Variants in CFAP20DC observed in about 807,000 individuals in gnomAD.
The protein encoded by CFAP20DC is CFAP20 domain containing.
CFAP20DC carries 84 observed loss-of-function variants against 101.7 expected under a neutral mutation model. The ratio of observed to expected loss-of-function variants is 0.83; its 90% CI spans 0.69 to 0.99. The LOEUF (loss-of-function observed/expected upper bound fraction) is 0.99, where lower values mean the gene tolerates loss of function less well. Among genes scored for constraint, CFAP20DC ranks in the 50% least tolerant of loss-of-function variants. The probability of loss-of-function intolerance (pLI) is 0.00; values close to 1 mark genes in which losing one functional copy is unlikely to be tolerated. For missense variants in CFAP20DC, 1,007 were observed against 970.3 expected (o/e 1.04, Z -0.50); for synonymous variants, 359 against 351.2 (o/e 1.02, Z -0.25).
rs1027825695 is a variant in CFAP20DC at position 58,869,067 on chromosome 3, T to C, written c.1015+261A>G. Among the ~76,000 whole-genome samples the C allele has an allele frequency of 6.6e-6, 1 of 152,226 alleles. No individual in the cohort carries two copies. Among genetic ancestry groups the C allele is most frequent in the Admixed American group, 6.5e-5 (1 of 15,288 alleles). ...AAAATACAGTGATAATGGAATGCTA[T>C]TTTATTTCTACATCAGTTGCCATAA... On this transcript the variant is annotated intron_variant, in intron 9 of 16. Coordinates refer to ENST00000482387, the MANE Select transcript of CFAP20DC (RefSeq NM_001394063.1). The surrounding 1 kb of genome is among the most constrained non-coding windows in gnomAD (Gnocchi z 4.3).
chr3:59,028,938 C>T (rs2093939927), intron 4 of CFAP20DC, among the ~76,000 whole-genome samples: 1 of 152,170 alleles, frequency 6.6e-6, no homozygotes, highest in Non-Finnish European at 1.5e-5. Flanking sequence ...TGACCAAAGT[C>T]CCACAGAGGT....
At chr3:58,811,110 G>A (rs571327797) in intron 14 of CFAP20DC, among the ~76,000 whole-genome samples, 21 of 152,136 alleles carry the variant, frequency 1.4e-4, no homozygotes, top group South Asian at 1.2e-3. Context: ...AATCAATATC[G>A]TGAAAATGGC....
chr3:58,891,652 T>A (rs1437569498), intron 6 of CFAP20DC, among the ~76,000 whole-genome samples: 1 of 151,784 alleles, frequency 6.6e-6, no homozygotes, highest in East Asian at 1.9e-4. Flanking sequence ...TTTAATGGGG[T>A]TATTTGTTTT....
At position 58,781,654 on chromosome 3, in the gene CFAP20DC, C is replaced by A. The variant is rs377080334; in HGVS notation, c.2237+24741G>T. 9.2e-5 allele frequency among the ~76,000 whole-genome samples: 14 copies of A among 152,034 alleles called. No individual in the cohort carries two copies. In the East Asian group the frequency reaches 1.4e-3, roughly 15 times the overall value. On this transcript the variant is annotated intron_variant, in intron 15 of 16. Coordinates refer to ENST00000482387, the MANE Select transcript of CFAP20DC (RefSeq NM_001394063.1). ...AAAGATCATTAGAGACTATTATGAACAACTATACAATAACAAACTAGAAAA... is the reference window on the plus strand; with the variant it reads ...AAAGATCATTAGAGACTATTATGAAAAACTATACAATAACAAACTAGAAAA...
At chr3:58,865,898 T>G (rs1028192819) in intron 11 of CFAP20DC, among the ~76,000 whole-genome samples, 1 of 152,308 alleles carries the variant, frequency 6.6e-6, no homozygotes, top group Non-Finnish European at 1.5e-5. Flanking sequence ...AATTTGCAGT[T>G]TTACCTCAAG....
At chr3:58,877,800 A>C (rs1456553538) in intron 7 of CFAP20DC, among the ~76,000 whole-genome samples, 1 of 152,196 alleles carries the variant, frequency 6.6e-6, no homozygotes, top group Non-Finnish European at 1.5e-5. Context: ...GGGTTTATTA[A>C]TGATTGTATA....
chr3:58,989,674 A>G (rs2092871954), intron 4 of CFAP20DC, among the ~76,000 whole-genome samples: 1 of 152,208 alleles, frequency 6.6e-6, no homozygotes, highest in Non-Finnish European at 1.5e-5. Flanking sequence ...GGCTCAGTTT[A>G]TACTTCACAA....
At chr3:58,745,374 A>C (rs377178854) in intron 16 of CFAP20DC, among the ~76,000 whole-genome samples, 166 of 152,280 alleles carry the variant, frequency 1.1e-3, no homozygotes, top group African/African-American at 3.8e-3. Context: ...CATGAAGCAA[A>C]AGCAGCTACT....
Position 58,995,457 on chromosome 3 carries a change from A to G in CFAP20DC, c.278+44100T>C, listed in dbSNP as rs534247278. 7.2e-5 allele frequency among the ~76,000 whole-genome samples: 11 copies of G among 152,234 alleles called. 1 individual carries two copies. The South Asian group carries it at 2.3e-3, about 32-fold the overall frequency. On this transcript the variant is annotated intron_variant, in intron 4 of 16. Coordinates refer to ENST00000482387, the MANE Select transcript of CFAP20DC (RefSeq NM_001394063.1). ...ATTAAAATGTTTCCAAAAGTAGTCT[A>G]AGTAATTAATTTTGAGTAGAAAAAA...
chr3:58,811,429 A>C (rs1274437504), intron 14 of CFAP20DC, among the ~76,000 whole-genome samples: 1 of 152,110 alleles, frequency 6.6e-6, no homozygotes, highest in Non-Finnish European at 1.5e-5. Flanking sequence ...ATCTTTGACA[A>C]ACCTGAGAAA....
In CFAP20DC at chr3:58,724,454, A is replaced by C. The variant is rs1357265325; in HGVS notation, c.198-6826T>G. ...TCTGTAAACACTGTGTTCAAGGAGA[A>C]AGGCACTCCTTTGAAGCACTGGAAT... On this transcript the variant is annotated intron_variant, in intron 3 of 3. Coordinates refer to the CFAP20DC transcript ENST00000486145. This position sits in a 1 kb window ranked among gnomAD's most constrained non-coding sequence, Gnocchi z 5.6. Among the ~76,000 whole-genome samples, 2 of 152,140 alleles carry C rather than the reference A, an allele frequency of 1.3e-5. No individual in the cohort carries two copies. The highest frequency in any genetic ancestry group is 4.8e-5 in the African/African-American group (2 of 41,430).
At chr3:58,848,848 G>C (rs2077967499) in intron 13 of CFAP20DC, among the ~76,000 whole-genome samples, 184 bp downstream of exon 13, 1 of 152,050 alleles carries the variant, frequency 6.6e-6, no homozygotes, top group Non-Finnish European at 1.5e-5. Context: ...ATTATCCTTG[G>C]GATGTGCAGT....
chr3:58,851,080 G>A (rs896620756), intron 12 of CFAP20DC, among the ~76,000 whole-genome samples: 2 of 152,000 alleles, frequency 1.3e-5, no homozygotes, highest in Non-Finnish European at 2.9e-5. Flanking sequence ...TCTTCATCAC[G>A]GGCCAAGTAC....
At chr3:58,920,236 A>G (rs1215916728) in intron 5 of CFAP20DC, among the ~76,000 whole-genome samples, 1 of 151,964 alleles carries the variant, frequency 6.6e-6, no homozygotes, top group Non-Finnish European at 1.5e-5. Flanking sequence ...GACCACAGCC[A>G]TAAGCCAACA....
intron 14 of CFAP20DC, among the ~76,000 whole-genome samples, chr3:58,822,318 A>AACAG (rs1342932876): frequency 7.0e-6 from 1 of 142,194 alleles, no homozygotes; most frequent in African/African-American, 2.7e-5. Flanking sequence ...TGAAAAAACA[A>AACAG]ACAAACAAAC....
chr3:58,912,235 T>C lies in CFAP20DC; in HGVS notation c.550+1473A>G, dbSNP rs2084226888. On this transcript the variant is annotated intron_variant, in intron 6 of 16. Coordinates refer to ENST00000482387, the MANE Select transcript of CFAP20DC (RefSeq NM_001394063.1). The surrounding 1 kb of genome is among the most constrained non-coding windows in gnomAD (Gnocchi z 4.4). ...TTTCTTTACATTTATTTTAAAATAT[T>C]AATCAGGTTATGATTCACCTCCTAT... Among the ~76,000 whole-genome samples, 1 of 152,156 alleles carries C rather than the reference T, an allele frequency of 6.6e-6. No individual in the cohort carries two copies. The highest frequency in any genetic ancestry group is 6.6e-5 in the Admixed American group (1 of 15,252).
intron 4 of CFAP20DC, among the ~76,000 whole-genome samples, chr3:58,996,530 A>G (rs1364322455): frequency 6.6e-6 from 1 of 152,234 alleles, no homozygotes. Context: ...CTTCCTCTTA[A>G]TAAGTTCCTT....
At chr3:58,885,171 T>A (rs1034570274) in intron 6 of CFAP20DC, among the ~76,000 whole-genome samples, 2 of 152,186 alleles carry the variant, frequency 1.3e-5, no homozygotes, top group African/African-American at 4.8e-5. Context: ...GAAATAATTT[T>A]AGACTTTTAG....
chr3:58,897,422 T>G lies in CFAP20DC; in HGVS notation c.551-12713A>C, dbSNP rs1041807822. Among the ~76,000 whole-genome samples the G allele has an allele frequency of 5.3e-5, 8 of 152,234 alleles. No individual in the cohort carries two copies. The highest frequency in any genetic ancestry group is 1.9e-4 in the African/African-American group (8 of 41,464). ...TGATCCTGTCAACATGATAGCTGGT[T>G]ATTTTGCAGATTTGTTTATGTGGTT... is the stretch of plus-strand genomic sequence containing the variant. On this transcript the variant is annotated intron_variant, in intron 6 of 16. Transcript: ENST00000482387. This position sits in a 1 kb window ranked among gnomAD's most constrained non-coding sequence, Gnocchi z 4.4.
Sources: gnomAD v4.1 joint callset for allele counts (sites outside exome capture counted in the v4.1 genomes callset) on GRCh38, gnomAD v4.1.1 for gene constraint, Gnocchi (gnomAD v3.1) non-coding constraint, MANE v1.5 for transcripts, NCBI Gene and HGNC (gene_info 2026-07-23, HGNC 2026-07-21) for gene names.